CA4: variants seen among roughly 807,000 people sequenced by gnomAD.
CA4 encodes CA-IV.
In CA4, 24 loss-of-function variants were observed where a neutral mutation model predicts 34.5. That is an observed-to-expected ratio of 0.70 (90% CI 0.50 to 0.98). The LOEUF (loss-of-function observed/expected upper bound fraction) is 0.98. Among genes scored for constraint, CA4 ranks in the 50% least tolerant of loss-of-function variants. The probability of loss-of-function intolerance (pLI) is 0.00; values close to 1 mark genes in which losing one functional copy is unlikely to be tolerated. For missense variants in CA4, 394 were observed against 396.7 expected (o/e 0.99, Z 0.06); for synonymous variants, 178 against 170.6 (o/e 1.04, Z -0.34).
intron 3 of CA4, 33 bp from the exon 4 acceptor site, chr17:60,157,394 G>A (rs2083706888): frequency 6.2e-7 from 1 of 1,613,688 alleles, no homozygotes; most frequent in Non-Finnish European, 8.5e-7. Context: ...GAGGGAGGCT[G>A]GTTCGAGGAC....
At chr17:60,163,193 G>T (rs779780950), downstream of CA4, among the ~76,000 whole-genome samples, 1 of 151,512 alleles carries the variant, frequency 6.6e-6, no homozygotes, top group Non-Finnish European at 1.5e-5. Context: ...GCCCAGAGTC[G>T]TGGGGGCTGT....
In CA4 at chr17:60,156,542, C is replaced by A. The variant is rs1265683885; in HGVS notation, c.113-18C>A. ...TGCCAGGCACCCGACTCTCAGCCCA[C>A]CTTCTCTCCCTGCTCAGTGCCAGTC... is the stretch of plus-strand genomic sequence containing the variant. On this transcript the variant is annotated intron_variant, in intron 2 of 7. Transcript: ENST00000300900. The A allele has an allele frequency of 3.1e-6, 5 of 1,613,972 alleles. No individual in the cohort carries two copies. The highest frequency in any genetic ancestry group is 4.2e-6 in the Non-Finnish European group (5 of 1,179,936).
chr17:60,156,943 A>T (rs1049411244), intron 3 of CA4: 1 of 607,040 alleles, frequency 1.6e-6, no homozygotes, highest in Non-Finnish European at 2.9e-6. Context: ...CGTTCCAGGA[A>T]GAAGGACATG....
chr17:60,158,604 A>G, intron 7 of CA4, 158 bp downstream of exon 7: 1 of 726,318 alleles, frequency 1.4e-6, no homozygotes, highest in Non-Finnish European at 2.3e-6. Context: ...CAGGCAAGAA[A>G]AGCCTGAGCT....
In CA4 at chr17:60,158,001, A is replaced by C. The variant is rs2083723379; in HGVS notation, c.514-60A>C. The C allele has an allele frequency of 1.9e-6, 3 of 1,599,080 alleles. No homozygotes were observed. The African/African-American group carries it at 4.0e-5, about 21-fold the overall frequency. On this transcript the variant is annotated intron_variant, in intron 5 of 7. Coordinates refer to ENST00000300900, the MANE Select transcript of CA4 (RefSeq NM_000717.5). ...CTTCCGCCCCCAGATCGGGAGAATG[A>C]ACTGGCCACCACCACTGGCTCCCTG...
At chr17:60,164,220 TTC>T (rs1265353038), downstream of CA4, among the ~76,000 whole-genome samples, 1 of 145,178 alleles carries the variant, frequency 6.9e-6, no homozygotes, top group Non-Finnish European at 1.5e-5. Context: ...TTTTCTTTCT[TTC>T]TCTTTCTCTT....
In CA4 at chr17:60,168,530, T is replaced by C. The variant is rs140657105; in HGVS notation, c.*179-2021T>C. On this transcript the variant is annotated intron_variant and NMD_transcript_variant, in intron 5 of 5. Transcript: ENST00000586876. ...GGGGCAGGTGGGGAAGGGTGATTTT[T>C]TTGGGAGGGGGTGGGGAAGGGTGAT... is the stretch of plus-strand genomic sequence containing the variant. 8.3e-3 allele frequency among the ~76,000 whole-genome samples: 880 copies of C among 106,600 alleles called. 36 individuals are homozygous for C. Among genetic ancestry groups the C allele is most frequent in the African/African-American group, 0.033 (822 of 24,672 alleles). 69.9% of individuals were successfully genotyped at this position (106,600 alleles called of 152,430 possible).
chr17:60,162,227 G>C (rs1255960272), downstream of CA4, among the ~76,000 whole-genome samples: 1 of 152,118 alleles, frequency 6.6e-6, no homozygotes, highest in Non-Finnish European at 1.5e-5. Flanking sequence ...AGCAGAAGTG[G>C]GCAGCTCACC....
intron 3 of CA4, chr17:60,157,062 AG>A: frequency 1.9e-6 from 1 of 515,310 alleles, no homozygotes; most frequent in Non-Finnish European, 3.5e-6. Flanking sequence ...AGCAAGGCCC[AG>A]GGGCAGCTGG....
At chr17:60,157,261 G>GGCTGTCCCAC (rs1332352304) in intron 3 of CA4, among the ~76,000 whole-genome samples, 166 bp from the exon 4 acceptor site, 2 of 152,240 alleles carry the variant, frequency 1.3e-5, no homozygotes, top group Non-Finnish European at 2.9e-5. Flanking sequence ...AAAGGTCCGG[G>GGCTGTCCCAC]GCTGTCCCAC....
At chr17:60,175,189 A>AT (rs555031745), downstream of CA4, among the ~76,000 whole-genome samples, 759 of 107,638 alleles carry the variant, frequency 7.1e-3, 5 homozygotes, top group South Asian at 0.015. Flanking sequence ...CACCCAGCTG[A>AT]TTTTTTTTTT....
chr17:60,162,503 T>G (rs1192203538), downstream of CA4, among the ~76,000 whole-genome samples: 1 of 150,444 alleles, frequency 6.6e-6, no homozygotes, highest in African/African-American at 2.5e-5. Context: ...CCCTGAGCCC[T>G]CCTTTCATTC....
intron 2 of CA4, 51 bp from the exon 3 acceptor site, chr17:60,156,509 C>T (rs758864078): frequency 1.3e-6 from 2 of 1,597,538 alleles, no homozygotes; most frequent in Non-Finnish European, 1.7e-6. Context: ...GTGGGGGCTA[C>T]ACCTTGGTGC....
At chr17:60,174,252 T>C (rs1472431454), downstream of CA4, among the ~76,000 whole-genome samples, 4 of 152,152 alleles carry the variant, frequency 2.6e-5, no homozygotes, top group Admixed American at 6.5e-5. Context: ...ATGACCTTTC[T>C]GCTCACCAGA....
downstream of CA4, among the ~76,000 whole-genome samples, chr17:60,171,925 G>A (rs2083914689): frequency 6.6e-6 from 1 of 152,222 alleles, no homozygotes; most frequent in Non-Finnish European, 1.5e-5. Flanking sequence ...GCCAAGTGCT[G>A]AGCAAACACT....
chr17:60,162,545 G>A (rs1007275760), downstream of CA4, among the ~76,000 whole-genome samples: 1 of 130,450 alleles, frequency 7.7e-6, no homozygotes, highest in South Asian at 2.4e-4. Flanking sequence ...ACTGCATGGG[G>A]TACACACACA....
chr17:60,164,262 T>C (rs1252130925), downstream of CA4, among the ~76,000 whole-genome samples: 1 of 150,500 alleles, frequency 6.6e-6, no homozygotes, highest in Non-Finnish European at 1.5e-5. Context: ...CTTCCGTCTT[T>C]CCGTCCTTCC....
At chr17:60,157,887 G>A (rs2083720361) in intron 5 of CA4, 99 bp downstream of exon 5, 20 of 1,502,798 alleles carry the variant, frequency 1.3e-5, no homozygotes, top group Non-Finnish European at 1.7e-5. Flanking sequence ...AGGGGGCGGG[G>A]AGACTCCAAC....
At chr17:60,177,015 T>C in the CA4 span, among the ~76,000 whole-genome samples, 2 of 152,246 alleles carry the variant, frequency 1.3e-5, no homozygotes, top group Non-Finnish European at 2.9e-5. Context: ...CACCTCCTGC[T>C]GTGCAGCCCA....
Sources: allele counts gnomAD v4.1 joint callset (sites outside exome capture counted in the v4.1 genomes callset), GRCh38; gene constraint gnomAD v4.1.1; transcripts MANE v1.5; gene names NCBI Gene and HGNC (gene_info 2026-07-23, HGNC 2026-07-21).